Variants in TTC3 observed in about 807,000 individuals in gnomAD.
The protein encoded by TTC3 is E3 ubiquitin-protein ligase TTC3.
Under a neutral mutation model 249.6 loss-of-function variants are expected in TTC3, and 180 were observed. The ratio of observed to expected loss-of-function variants is 0.72; its 90% CI spans 0.64 to 0.82. The LOEUF is 0.82. TTC3 is among the 40% of genes least tolerant of loss of function. TTC3 has a pLI of 0.00. For missense variants in TTC3, 2,061 were observed against 2,398.4 expected (o/e 0.86, Z 2.94); for synonymous variants, 717 against 805.0 (o/e 0.89, Z 1.85).
intron 20 of TTC3, among the ~76,000 whole-genome samples, chr21:37,141,154 A>G (rs1402353618): frequency 1.3e-5 from 2 of 152,328 alleles, no homozygotes; most frequent in Middle Eastern, 3.4e-3. Flanking sequence ...CTGCAGTTTA[A>G]TATTGAAGCT....
intron 35 of TTC3, among the ~76,000 whole-genome samples, chr21:37,174,195 G>T (rs1486749028): frequency 6.6e-6 from 1 of 152,162 alleles, no homozygotes; most frequent in African/African-American, 2.4e-5. Context: ...AAGAGTCTCG[G>T]AAATAAAGCA....
intron 35 of TTC3, among the ~76,000 whole-genome samples, chr21:37,174,241 T>A (rs2082048887): frequency 6.6e-6 from 1 of 152,230 alleles, no homozygotes; most frequent in African/African-American, 2.4e-5. Flanking sequence ...GGCTTTTTTT[T>A]AACTTGTTAA....
intron 11 of TTC3, 116 bp downstream of exon 11, chr21:37,108,562 G>C: frequency 1.0e-6 from 1 of 970,988 alleles, no homozygotes; most frequent in Non-Finnish European, 1.5e-6. Context: ...TAGAGCTCCA[G>C]AATGTGAAAG....
At chr21:37,159,538 C>T in intron 28 of TTC3, 161 bp from the exon 29 acceptor site, 3 of 662,136 alleles carry the variant, frequency 4.5e-6, no homozygotes, top group Non-Finnish European at 7.4e-6. Context: ...TTTAGTCAGC[C>T]ATTTTGCCCT....
chr21:37,198,321 G>A (rs1017368579), intron 44 of TTC3, among the ~76,000 whole-genome samples: 1 of 152,202 alleles, frequency 6.6e-6, no homozygotes, highest in African/African-American at 2.4e-5. Flanking sequence ...TTGTTTTGCT[G>A]CAGATGGTCA....
intron 39 of TTC3, among the ~76,000 whole-genome samples, chr21:37,189,433 A>G (rs1350406138): frequency 6.6e-6 from 1 of 151,958 alleles, no homozygotes; most frequent in African/African-American, 2.4e-5. Flanking sequence ...TGTAGTAGAT[A>G]TGGGGTTTCA....
chr21:37,135,655 A>G (rs868691970), intron 18 of TTC3, 141 bp downstream of exon 18: 2 of 959,166 alleles, frequency 2.1e-6, no homozygotes, highest in Middle Eastern at 2.3e-4. Context: ...GGTTATGGGA[A>G]GCAGGTACTG....
At chr21:37,107,580 T>G (rs2075208018) in intron 10 of TTC3, among the ~76,000 whole-genome samples, 1 of 152,124 alleles carries the variant, frequency 6.6e-6, no homozygotes, top group Non-Finnish European at 1.5e-5. Flanking sequence ...TTATTTACAT[T>G]TTACAGATGA....
exon 33 of TTC3, chr21:37,166,412 A>T (rs1465225650): frequency 2.5e-6 from 4 of 1,614,186 alleles, no homozygotes; most frequent in Non-Finnish European, 3.4e-6. Flanking sequence ...TGGTCACCAG[A>T]TTGCCTCTGA....
At chr21:37,175,576 G>A (rs561367755) in intron 35 of TTC3, among the ~76,000 whole-genome samples, 11 of 123,520 alleles carry the variant, frequency 8.9e-5, no homozygotes, top group South Asian at 2.6e-4. Flanking sequence ...CAGTCTGGGC[G>A]ACAAGAGCTA....
intron 45 of TTC3, among the ~76,000 whole-genome samples, chr21:37,200,958 T>C (rs2085432866): frequency 1.3e-5 from 2 of 152,152 alleles, no homozygotes; most frequent in Admixed American, 6.5e-5. Flanking sequence ...CCTCCTTGGG[T>C]ACAGGGTCTT....
At chr21:37,148,323 GA>G (rs1320067245) in intron 22 of TTC3, among the ~76,000 whole-genome samples, 1 of 152,186 alleles carries the variant, frequency 6.6e-6, no homozygotes, top group Non-Finnish European at 1.5e-5. Context: ...GTTTATTCAA[GA>G]AGCTAGTAGC....
exon 12 of TTC3, chr21:37,121,933 A>G: frequency 6.2e-7 from 1 of 1,612,562 alleles, no homozygotes; most frequent in Non-Finnish European, 8.5e-7. Context: ...TCAAGGATCT[A>G]ATTCAGCAGC....
chr21:37,112,890 T>C (rs1311790746), intron 11 of TTC3, among the ~76,000 whole-genome samples: 2 of 152,114 alleles, frequency 1.3e-5, no homozygotes, highest in Non-Finnish European at 2.9e-5. Flanking sequence ...GTTCAACATA[T>C]GAAAATCAAT....
At chr21:37,140,100 GT>G (rs1235867857) in intron 19 of TTC3, among the ~76,000 whole-genome samples, 2 of 152,166 alleles carry the variant, frequency 1.3e-5, no homozygotes, top group African/African-American at 4.8e-5. Flanking sequence ...CTAATGGGCT[GT>G]TTTTAAGACA....
intron 35 of TTC3, among the ~76,000 whole-genome samples, chr21:37,178,467 G>A (rs1054102099): frequency 2.6e-5 from 4 of 152,048 alleles, no homozygotes; most frequent in Non-Finnish European, 2.9e-5. Context: ...ACTTATCATC[G>A]TTTGTCTTTT....
intron 1 of TTC3, among the ~76,000 whole-genome samples, chr21:37,078,600 T>C (rs2071210663): frequency 8.6e-6 from 1 of 116,786 alleles, no homozygotes; most frequent in African/African-American, 2.9e-5. Flanking sequence ...TTAGTAAATA[T>C]TTTAACTTAT....
At chr21:37,187,118 G>C (rs2083389090) in exon 38 of TTC3, 2 of 1,578,796 alleles carry the variant, frequency 1.3e-6, no homozygotes, top group Middle Eastern at 1.7e-4. Flanking sequence ...ATTATGAAGA[G>C]AGTCATCAGA....
intron 1 of TTC3, among the ~76,000 whole-genome samples, chr21:37,073,807 C>T (rs2070392206): frequency 6.6e-6 from 1 of 152,204 alleles, no homozygotes; most frequent in South Asian, 2.1e-4. Context: ...CTCGGCCTTG[C>T]AGGTGGCCCC....
Sources: gnomAD v4.1 joint callset for allele counts (sites outside exome capture counted in the v4.1 genomes callset) on GRCh38, gnomAD v4.1.1 for gene constraint, MANE v1.5 for transcripts, NCBI Gene and HGNC (gene_info 2026-07-23, HGNC 2026-07-21) for gene names.